MYO7B: variants seen among roughly 807,000 people sequenced by gnomAD.
MYO7B encodes myosin VIIB.
A neutral mutation model predicts 259.7 loss-of-function variants in MYO7B; 212 were observed. The observed-to-expected ratio is 0.82, with a 90% CI of 0.73 to 0.91. The LOEUF (loss-of-function observed/expected upper bound fraction) is 0.91, where lower values mean the gene tolerates loss of function less well. MYO7B is among the 40% of genes least tolerant of loss of function. The pLI, the probability that MYO7B is intolerant of heterozygous loss-of-function variation, is 0.00. For missense variants in MYO7B, 2,732 were observed against 2,813.5 expected (o/e 0.97, Z 0.66); for synonymous variants, 1,197 against 1,166.4 (o/e 1.03, Z -0.54).
At chr2:127,617,173 G>A (rs998553053) in intron 26 of MYO7B, among the ~76,000 whole-genome samples, 12 of 152,112 alleles carry the variant, frequency 7.9e-5, no homozygotes, top group Admixed American at 2.0e-4. Context: ...ACCAGCGCAC[G>A]TTTACAAGCC....
intron 47 of MYO7B, 115 bp from the exon 48 acceptor site, chr2:127,637,201 C>T (rs750492100): frequency 4.4e-5 from 41 of 934,022 alleles, no homozygotes; most frequent in Middle Eastern, 2.1e-4. Flanking sequence ...GCCCGCCTTC[C>T]CTTTCTCCAT....
chr2:127,576,630 C>A lies in MYO7B; in HGVS notation c.771C>A (p.Cys257Ter). Residue 257 changes from cysteine (C) to a stop codon, truncating the protein, a stop_gained, in exon 8 of 48, where the codon TGC becomes TGA. Coordinates refer to ENST00000409816, the MANE Select transcript of MYO7B (RefSeq NM_001393586.1). LOFTEE classifies it high-confidence loss of function. This position sits in a 1 kb window ranked among gnomAD's most constrained non-coding sequence, Gnocchi z 4.9. Reference protein sequence around the residue: ...PEERNYHIFYCMLMGVSAEDK... With the variant: ...PEERNYHIFY ...AGCGGAACTACCATATCTTCTACTG[C>A]ATGCTCATGGGGGTGAGTGCTGAGG... 1 of 1,611,358 alleles carries A rather than the reference C, an allele frequency of 6.2e-7. No individual in the cohort carries two copies. The highest frequency in any genetic ancestry group is 8.5e-7 in the Non-Finnish European group (1 of 1,178,220).
At position 127,586,830 on chromosome 2, in the gene MYO7B, C is replaced by G. The variant is rs1374348491; in HGVS notation, c.1691-1562C>G. On this transcript the variant is annotated intron_variant, in intron 14 of 47. Transcript: ENST00000409816. This position sits in a 1 kb window ranked among gnomAD's most constrained non-coding sequence, Gnocchi z 4.8. ...ACTCTGCCTGTTGGGAGACTGAACCCAGGAGTGTCTCAACCCTCCCCACCC... is the reference window on the plus strand; with the variant it reads ...ACTCTGCCTGTTGGGAGACTGAACCGAGGAGTGTCTCAACCCTCCCCACCC... Among the ~76,000 whole-genome samples the G allele has an allele frequency of 2.6e-5, 4 of 152,062 alleles. No homozygotes were observed. Among genetic ancestry groups the G allele is most frequent in the African/African-American group, 9.7e-5 (4 of 41,392 alleles).
intron 40 of MYO7B, 150 bp downstream of exon 40, chr2:127,633,513 G>C: frequency 1.3e-6 from 1 of 765,804 alleles, no homozygotes; most frequent in South Asian, 1.8e-5. Flanking sequence ...CTCTCCCCAT[G>C]GGATGCAGGC....
Position 127,585,012 on chromosome 2 carries a change from T to G in MYO7B, c.1690+99T>G. On this transcript the variant is annotated intron_variant, in intron 14 of 47. Coordinates refer to ENST00000409816, the MANE Select transcript of MYO7B (RefSeq NM_001393586.1). The surrounding 1 kb of genome is among the most constrained non-coding windows in gnomAD (Gnocchi z 4.3). Reference sequence around the variant, plus strand: ...AGAGGATGAGGCTATTTTGCAGCTCTAGCAATGGGGCAGAGGGATGAGTAG... The same window carrying G: ...AGAGGATGAGGCTATTTTGCAGCTCGAGCAATGGGGCAGAGGGATGAGTAG... The G allele has an allele frequency of 6.8e-7, 1 of 1,474,604 alleles. No individual in the cohort carries two copies. The highest frequency in any genetic ancestry group is 9.3e-7 in the Non-Finnish European group (1 of 1,073,544). The allele number at this position is 1,474,604 out of a possible 1,614,324, so 91.3% of individuals were successfully genotyped here.
chr2:127,576,767 G>A lies in MYO7B; in HGVS notation c.849+59G>A. 7.9e-7 allele frequency: 1 copy of A among 1,268,300 alleles called. No homozygotes were observed. The highest frequency in any genetic ancestry group is 1.9e-5 in the Admixed American group (1 of 53,722). The allele number at this position is 1,268,300 out of a possible 1,614,324, so 78.6% of individuals were successfully genotyped here. On this transcript the variant is annotated intron_variant, in intron 8 of 47. Coordinates refer to ENST00000409816, the MANE Select transcript of MYO7B (RefSeq NM_001393586.1). This position sits in a 1 kb window ranked among gnomAD's most constrained non-coding sequence, Gnocchi z 4.9. ...GTGGAAGGGAGGAAAAAGAGCTTGT[G>A]CCGCTCCACCCTCCGCGACAGCTGC... is the stretch of plus-strand genomic sequence containing the variant.
At position 127,631,485 on chromosome 2, in the gene MYO7B, T is replaced by A. The variant is rs1003281615; in HGVS notation, c.5096-115T>A. 4 of 1,519,912 alleles carry A rather than the reference T, an allele frequency of 2.6e-6. No homozygotes were observed. In the African/African-American group the frequency reaches 5.5e-5, roughly 21 times the overall value. 94.2% of individuals were successfully genotyped at this position (1,519,912 alleles called of 1,614,324 possible). ...CCCAGGAGATCTGAGAAACCTGGAG[T>A]GGCGGGACAGAGCCCACACATGGCT... On this transcript the variant is annotated intron_variant, in intron 37 of 47. Transcript: ENST00000409816.
At position 127,607,454 on chromosome 2, in the gene MYO7B, TG is replaced by T; in HGVS notation, c.2643+34del. 3.2e-6 allele frequency: 5 copies of T among 1,542,950 alleles called. No homozygotes were observed. Among genetic ancestry groups the T allele is most frequent in the Non-Finnish European group, 4.4e-6 (5 of 1,142,078 alleles). ...GTGGTCACCTGGCCTCTTGGGCAGGTGGGGCTGGCTGGGGCCCCAGTGGGTG... is the reference window on the plus strand; with the variant it reads ...GTGGTCACCTGGCCTCTTGGGCAGGTGGGCTGGCTGGGGCCCCAGTGGGTG... On this transcript the variant is annotated intron_variant, in intron 21 of 47. Transcript: ENST00000409816. This position sits in a 1 kb window ranked among gnomAD's most constrained non-coding sequence, Gnocchi z 4.4.
chr2:127,637,206 C>A lies in MYO7B; in HGVS notation c.6328-110C>A, dbSNP rs144701865. ...AATGGCAGGAGCCCGCCTTCCCTTT[C>A]TCCATGCCCTGCACTGCTGGTTGCT... is the stretch of plus-strand genomic sequence containing the variant. On this transcript the variant is annotated intron_variant, in intron 47 of 47. Transcript: ENST00000409816. The A allele has an allele frequency of 9.1e-5, 86 of 948,278 alleles. No individual in the cohort carries two copies. In the African/African-American group the frequency reaches 1.2e-3, roughly 14 times the overall value. 58.7% of individuals were successfully genotyped at this position (948,278 alleles called of 1,614,324 possible).
chr2:127,593,027 AG>A, intron 17 of MYO7B, 81 bp downstream of exon 17: 2 of 1,501,254 alleles, frequency 1.3e-6, no homozygotes, highest in Admixed American at 4.0e-5. Context: ...CCCAGTACCG[AG>A]GGGGTCTCCC....
intron 18 of MYO7B, among the ~76,000 whole-genome samples, chr2:127,594,530 G>C (rs774475643): frequency 6.6e-6 from 1 of 152,200 alleles, no homozygotes; most frequent in African/African-American, 2.4e-5. Context: ...TAAGATGCGC[G>C]GGAAGAAGCA....
Position 127,573,964 on chromosome 2 carries a change from T to G in MYO7B, c.637T>G (p.Phe213Val). ...AATCCGCAACGACAACTCAAGCCGC[T>G]TTGGGAAGTACATTGACATCTACTT... is the stretch of plus-strand genomic sequence containing the variant. Reference protein sequence around the residue: ...KTIRNDNSSRFGKYIDIYFNP... With the variant: ...KTIRNDNSSRVGKYIDIYFNP... Residue 213 changes from phenylalanine to valine, a missense_variant, in exon 7 of 48, where the codon TTT (phenylalanine) becomes GTT (valine). This residue lies in a region of MYO7B where 1,906 missense variants were observed against 2,026.4 expected (regional missense o/e 0.94). Transcript: ENST00000409816. 6.2e-7 allele frequency: 1 copy of G among 1,613,914 alleles called. No individual in the cohort carries two copies. Among genetic ancestry groups the G allele is most frequent in the East Asian group, 2.2e-5 (1 of 44,884 alleles).
chr2:127,590,173 A>G lies in MYO7B; in HGVS notation c.1936A>G (p.Asn646Asp). 1.2e-6 allele frequency: 2 copies of G among 1,612,816 alleles called. No homozygotes were observed. The highest frequency in any genetic ancestry group is 1.3e-5 in the African/African-American group (1 of 75,038). Reference protein sequence around the residue: ...SLDQLMKILTNCQPYFIRCIK... With the variant: ...SLDQLMKILTDCQPYFIRCIK... ...GGACCAGCTGATGAAAATCCTGACC[A>G]ACTGCCAGCCTTACTTCATCCGCTG... Residue 646 changes from asparagine to aspartate, a missense_variant, in exon 16 of 48, where the codon AAC becomes GAC. Physicochemically the swap from Asn to Asp is conservative, Grantham distance 23 (BLOSUM62 1). Around this residue, in one of 3 missense-constraint regions of MYO7B, gnomAD observed 1,906 missense variants for 2,026.4 expected, o/e 0.94. Coordinates refer to ENST00000409816, the MANE Select transcript of MYO7B (RefSeq NM_001393586.1). This position sits in a 1 kb window ranked among gnomAD's most constrained non-coding sequence, Gnocchi z 4.6.
In MYO7B at chr2:127,631,636, A is replaced by G; in HGVS notation, c.5132A>G (p.Gln1711Arg). ...LRYMGDYPSR[Q>R]AWPTLELTDQ... ...TACATGGGCGACTACCCTTCTCGGC[A>G]GGCCTGGCCCACCCTGGAGCTCACC... Residue 1711 changes from glutamine (Q) to arginine (R), a missense_variant, in exon 38 of 48, where the codon CAG becomes CGG. Physicochemically the swap from Gln to Arg is conservative, Grantham distance 43 (BLOSUM62 1). Around this residue, in one of 3 missense-constraint regions of MYO7B, gnomAD observed 821 missense variants for 769.3 expected, o/e 1.07. Coordinates refer to ENST00000409816, the MANE Select transcript of MYO7B (RefSeq NM_001393586.1). 2 of 1,613,114 alleles carry G rather than the reference A, an allele frequency of 1.2e-6. No individual in the cohort carries two copies. Among genetic ancestry groups the G allele is most frequent in the Non-Finnish European group, 1.7e-6 (2 of 1,179,850 alleles).
In MYO7B at chr2:127,609,418, G is replaced by C. The variant is rs1417892491; in HGVS notation, c.2815-88G>C. 1 of 1,250,080 alleles carries C rather than the reference G, an allele frequency of 8.0e-7. No homozygotes were observed. Among genetic ancestry groups the C allele is most frequent in the Non-Finnish European group, 1.1e-6 (1 of 881,110 alleles). 77.4% of individuals were successfully genotyped at this position (1,250,080 alleles called of 1,614,324 possible). ...GGATCAGGGTAATGCAACAGCCCCC[G>C]TGCTGCCCGGCCTGCTGGACAGTCA... On this transcript the variant is annotated intron_variant, in intron 22 of 47. Coordinates refer to ENST00000409816, the MANE Select transcript of MYO7B (RefSeq NM_001393586.1). This position sits in a 1 kb window ranked among gnomAD's most constrained non-coding sequence, Gnocchi z 6.9.
At chr2:127,573,652 T>C (rs1258754460) in intron 6 of MYO7B, among the ~76,000 whole-genome samples, 1 of 152,222 alleles carries the variant, frequency 6.6e-6, no homozygotes, top group Non-Finnish European at 1.5e-5. Flanking sequence ...CTGTCTACCT[T>C]CCACTGCTTT....
chr2:127,603,527 A>G (rs1680040873), intron 19 of MYO7B, among the ~76,000 whole-genome samples: 1 of 152,336 alleles, frequency 6.6e-6, no homozygotes, highest in Middle Eastern at 3.4e-3. Context: ...TCTGAGCAGT[A>G]GGTCTCAATG....
chr2:127,624,062 G>A (rs753681877), intron 29 of MYO7B, 31 bp from the exon 30 acceptor site: 28 of 1,530,596 alleles, frequency 1.8e-5, no homozygotes, highest in East Asian at 2.5e-5. Flanking sequence ...TGCAACAGCC[G>A]CTAACCCCTG....
Position 127,627,079 on chromosome 2 carries a change from C to T in MYO7B, c.4320C>T (p.Val1440=). 1 of 1,611,078 alleles carries T rather than the reference C, an allele frequency of 6.2e-7. No individual in the cohort carries two copies. Among genetic ancestry groups the T allele is most frequent in the South Asian group, 1.1e-5 (1 of 90,590 alleles). Residue 1440 remains valine (V), a synonymous_variant, in exon 32 of 48, where the codon GTC becomes GTT. Coordinates refer to ENST00000409816, the MANE Select transcript of MYO7B (RefSeq NM_001393586.1). This position sits in a 1 kb window ranked among gnomAD's most constrained non-coding sequence, Gnocchi z 5.6. ...TGCTCTTCTCCCGGCTCTTCGAAGT[C>T]ATCACACTCTCAGGTAATGGCATCT... ...WPLLFSRLFE[V]ITLSGPRLPK...
Sources: gnomAD v4.1 joint callset for allele counts (sites outside exome capture counted in the v4.1 genomes callset) on GRCh38, gnomAD v4.1.1 for gene constraint, gnomAD v4.1.1 regional missense constraint, Gnocchi (gnomAD v3.1) non-coding constraint, MANE v1.5 for transcripts, NCBI Gene and HGNC (gene_info 2026-07-23, HGNC 2026-07-21) for gene names.